Variants in MECOM observed in about 807,000 individuals in gnomAD.
The protein encoded by MECOM is MDS1 and EVI1 complex locus.
MECOM carries 13 observed loss-of-function variants against 116.3 expected under a neutral mutation model. The observed-to-expected ratio is 0.11, with a 90% confidence interval of 0.07 to 0.18. The LOEUF (loss-of-function observed/expected upper bound fraction) is 0.18, where lower values mean the gene tolerates loss of function less well. Ranked by LOEUF, MECOM falls within the 10% of genes least tolerant of loss-of-function variation. MECOM has a pLI of 1.00. For synonymous variants in MECOM, 528 were observed against 535.2 expected (o/e 0.99, Z 0.19); for missense variants, 1,299 against 1,509.0 (o/e 0.86, Z 2.31).
At chr3:169,405,984 A>C (rs890169798) in intron 1 of MECOM, among the ~76,000 whole-genome samples, 9 of 152,200 alleles carry the variant, frequency 5.9e-5, no homozygotes, top group African/African-American at 2.2e-4. Context: ...AGTGTGGAGA[A>C]TGTTGAAGAT....
intron 2 of MECOM, among the ~76,000 whole-genome samples, chr3:169,160,840 A>G (rs1232573828): frequency 6.6e-6 from 1 of 152,158 alleles, no homozygotes; most frequent in Non-Finnish European, 1.5e-5. Flanking sequence ...AAAATTAAAA[A>G]TGTTTTAAAA....
intron 1 of MECOM, among the ~76,000 whole-genome samples, chr3:169,619,518 C>T (rs190288279): frequency 6.2e-4 from 95 of 152,268 alleles, no homozygotes; most frequent in African/African-American, 2.1e-3. Flanking sequence ...CTCCCTTCAC[C>T]TGGGGAGAAG....
At chr3:169,615,326 T>C (rs1769866745) in intron 1 of MECOM, among the ~76,000 whole-genome samples, 1 of 152,242 alleles carries the variant, frequency 6.6e-6, no homozygotes, top group African/African-American at 2.4e-5. Flanking sequence ...TACACAGAAA[T>C]GGCCCTTGAT....
chr3:169,128,031 C>T lies in MECOM; in HGVS notation c.643G>A (p.Asp215Asn). 2 of 1,614,024 alleles carry T rather than the reference C, an allele frequency of 1.2e-6. No homozygotes were observed. Among genetic ancestry groups the T allele is most frequent in the Non-Finnish European group, 1.7e-6 (2 of 1,179,932 alleles). The stretch of plus-strand genomic sequence containing the variant: ...TCAGCCTTAGATTCAAAGAGCTGGT[C>T]ACAGTCTTCGCAGCGATATTGCCGT... ...EERQYRCEDC[D>N]QLFESKAELA... Residue 215 changes from aspartate (D) to asparagine (N), a missense_variant, in exon 5 of 17, where the codon GAC becomes AAC. Physicochemically the swap from Asp to Asn is conservative, Grantham distance 23. Transcript: ENST00000651503.
intron 1 of MECOM, among the ~76,000 whole-genome samples, chr3:169,553,511 A>G (rs1761655482): frequency 6.6e-6 from 1 of 152,256 alleles, no homozygotes; most frequent in Non-Finnish European, 1.5e-5. Context: ...GGCACTCTTT[A>G]CATTGTGGCA....
intron 1 of MECOM, among the ~76,000 whole-genome samples, chr3:169,562,164 G>GA (rs1762727118): frequency 9.9e-6 from 1 of 101,106 alleles, no homozygotes; most frequent in Non-Finnish European, 2.0e-5. Flanking sequence ...AAAAAAAAAG[G>GA]AAAGAAAGAA....
At chr3:169,642,703 C>T (rs1395375098) in intron 1 of MECOM, among the ~76,000 whole-genome samples, 2 of 151,038 alleles carry the variant, frequency 1.3e-5, no homozygotes, top group East Asian at 3.9e-4. Context: ...AGGTATTTAG[C>T]CTGGCCAGAG....
chr3:169,174,451 A>G (rs1232046577), intron 2 of MECOM, among the ~76,000 whole-genome samples: 2 of 152,236 alleles, frequency 1.3e-5, no homozygotes, highest in Non-Finnish European at 2.9e-5. Context: ...AAGGACAGGT[A>G]GAAAAATTAT....
chr3:169,388,739 G>A (rs183531869), intron 1 of MECOM, among the ~76,000 whole-genome samples: 57 of 152,290 alleles, frequency 3.7e-4, no homozygotes, highest in Admixed American at 1.8e-3. Context: ...TGTAGAACCC[G>A]TGTCTCTAGA....
chr3:169,478,457 C>T (rs1750805049), intron 1 of MECOM, among the ~76,000 whole-genome samples: 1 of 152,104 alleles, frequency 6.6e-6, no homozygotes, highest in Non-Finnish European at 1.5e-5. Flanking sequence ...GATAAAAATG[C>T]CTCAGAGTGA....
At chr3:169,452,274 C>A (rs947664532) in intron 1 of MECOM, among the ~76,000 whole-genome samples, 1 of 151,968 alleles carries the variant, frequency 6.6e-6, no homozygotes, top group African/African-American at 2.4e-5. Flanking sequence ...AGGAAACACA[C>A]GCCTTTCCCT....
intron 1 of MECOM, among the ~76,000 whole-genome samples, chr3:169,539,851 A>G (rs1323360255): frequency 6.6e-6 from 1 of 152,176 alleles, no homozygotes; most frequent in Admixed American, 6.5e-5. Context: ...TACCCTCTAC[A>G]GTCAAATCAA....
intron 3 of MECOM, among the ~76,000 whole-genome samples, chr3:169,138,710 A>C (rs778115823): frequency 3.3e-5 from 5 of 152,174 alleles, no homozygotes; most frequent in Non-Finnish European, 4.4e-5. Context: ...GAGCAAATTA[A>C]CAAATTACCT....
chr3:169,196,268 A>G (rs896623539), intron 2 of MECOM, among the ~76,000 whole-genome samples: 2 of 152,024 alleles, frequency 1.3e-5, no homozygotes, highest in African/African-American at 4.8e-5. Context: ...TTCCTCCCCA[A>G]TTCTCAGCTA....
At chr3:169,270,385 A>G (rs1229294440) in intron 2 of MECOM, among the ~76,000 whole-genome samples, 2 of 149,818 alleles carry the variant, frequency 1.3e-5, no homozygotes, top group East Asian at 3.8e-4. Context: ...CTATATCTGT[A>G]TCTATCTATC....
In MECOM at chr3:169,427,194, A is replaced by C. The variant is rs536041286; in HGVS notation, c.38-45670T>G. On this transcript the variant is annotated intron_variant, in intron 1 of 16. Coordinates refer to ENST00000651503, the MANE Select transcript of MECOM (RefSeq NM_004991.4). ...TTTTAGTATTTCCAATTCATTTTTT[A>C]GTAAAAATTATGATGTTTAAATGCA... is the stretch of plus-strand genomic sequence containing the variant. Among the ~76,000 whole-genome samples, 3 of 152,156 alleles carry C rather than the reference A, an allele frequency of 2.0e-5. No homozygotes were observed. In the East Asian group the frequency reaches 5.8e-4, roughly 29 times the overall value.
intron 1 of MECOM, among the ~76,000 whole-genome samples, chr3:169,420,665 T>G (rs1172979313): frequency 6.6e-6 from 1 of 152,084 alleles, no homozygotes; most frequent in African/African-American, 2.4e-5. Context: ...TATGAATCAT[T>G]TTCAAGGAAT....
intron 2 of MECOM, among the ~76,000 whole-genome samples, chr3:169,286,319 CTACCTGGGTGATTCA>C (rs1237387698): frequency 6.6e-6 from 1 of 152,206 alleles, no homozygotes; most frequent in Non-Finnish European, 1.5e-5. Context: ...TCCCCCTCTG[CTACCTGGGTGATTCA>C]TACCCAAGTT....
At chr3:169,632,223 T>C (rs1196414351) in intron 1 of MECOM, among the ~76,000 whole-genome samples, 1 of 30,318 alleles carries the variant, frequency 3.3e-5, no homozygotes, top group African/African-American at 1.1e-4. Flanking sequence ...AACACATGTT[T>C]TTTCAAAATA....
Sources: allele counts gnomAD v4.1 joint callset (sites outside exome capture counted in the v4.1 genomes callset), GRCh38; gene constraint gnomAD v4.1.1; transcripts MANE v1.5; gene names NCBI Gene and HGNC (gene_info 2026-07-23, HGNC 2026-07-21).